The following ELMO1 variants were observed in gnomAD, a reference collection of about 807,000 sequenced individuals.
ELMO1 encodes engulfment and cell motility 1.
ELMO1 carries 26 observed loss-of-function variants against 98.9 expected under a neutral mutation model. The observed-to-expected ratio is 0.26, with a 90% CI of 0.19 to 0.36. ELMO1 has a LOEUF of 0.36. Ranked by LOEUF, ELMO1 falls within the 10% of genes least tolerant of loss-of-function variation. ELMO1 has a pLI of 1.00. For missense variants in ELMO1, 627 were observed against 935.2 expected (o/e 0.67, Z 4.30); for synonymous variants, 346 against 346.0 (o/e 1.00, Z 0.00).
intron 4 of ELMO1, among the ~76,000 whole-genome samples, chr7:37,273,579 C>G (rs1309314954): frequency 6.6e-6 from 1 of 152,184 alleles, no homozygotes; most frequent in Non-Finnish European, 1.5e-5. Flanking sequence ...CAGACTAATA[C>G]AGCATCTTTG....
intron 16 of ELMO1, among the ~76,000 whole-genome samples, chr7:36,969,822 C>T (rs536027380): frequency 1.6e-3 from 239 of 152,238 alleles, no homozygotes; most frequent in African/African-American, 5.2e-3. Context: ...CTAAATAAAT[C>T]ATATTTCTTT....
chr7:36,863,459 T>C (rs1802793654), intron 20 of ELMO1, among the ~76,000 whole-genome samples: 1 of 152,070 alleles, frequency 6.6e-6, no homozygotes, highest in South Asian at 2.1e-4. Context: ...AAAATCAATA[T>C]GAAAATACAT....
chr7:37,180,121 C>A (rs776515160), intron 13 of ELMO1, among the ~76,000 whole-genome samples: 2 of 152,134 alleles, frequency 1.3e-5, no homozygotes, highest in Non-Finnish European at 2.9e-5. Flanking sequence ...AGTCTTGAAG[C>A]CATAAACCTC....
At chr7:37,331,928 G>A (rs1800149361) in intron 2 of ELMO1, among the ~76,000 whole-genome samples, 2 of 151,910 alleles carry the variant, frequency 1.3e-5, no homozygotes, top group East Asian at 3.9e-4. Flanking sequence ...GTTTGAATAT[G>A]CTGAGTTTGA....
intron 16 of ELMO1, among the ~76,000 whole-genome samples, chr7:36,940,804 TACA>T (rs1482119321): frequency 6.6e-6 from 1 of 152,250 alleles, no homozygotes; most frequent in Non-Finnish European, 1.5e-5. Flanking sequence ...TGGGGGACTC[TACA>T]ACAAGAGTTT....
intron 16 of ELMO1, among the ~76,000 whole-genome samples, chr7:36,910,683 C>G (rs1461611977): frequency 6.6e-6 from 1 of 152,128 alleles, no homozygotes. Context: ...CAGTGCAGAC[C>G]TTGCACTGTA....
rs143827128 is a variant in ELMO1 at position 36,945,472 on chromosome 7, T to C, written c.1438-50455A>G. Among the ~76,000 whole-genome samples, 506 of 152,272 alleles carry C rather than the reference T, an allele frequency of 3.3e-3. 3 individuals are homozygous for C. Among genetic ancestry groups the C allele is most frequent in the African/African-American group, 0.012 (479 of 41,558 alleles). On this transcript the variant is annotated intron_variant, in intron 16 of 21. Coordinates refer to ENST00000310758, the MANE Select transcript of ELMO1 (RefSeq NM_014800.11). ...CAGCCTCAGTGACGGGCATTTAACT[T>C]AGCACGAAGCTTTCCGGGAATCCCT...
At chr7:36,887,536 T>C (rs1026691680) in intron 18 of ELMO1, 24 bp downstream of exon 18, 4 of 1,610,920 alleles carry the variant, frequency 2.5e-6, no homozygotes, top group East Asian at 2.2e-5. Flanking sequence ...CTATCCAAGT[T>C]TGGAGTGTCC....
intron 13 of ELMO1, among the ~76,000 whole-genome samples, chr7:37,199,242 G>A (rs774095015): frequency 2.0e-5 from 3 of 152,212 alleles, no homozygotes; most frequent in African/African-American, 7.2e-5. Flanking sequence ...TAAGAAGAAC[G>A]AAGGTCAAGT....
intron 16 of ELMO1, among the ~76,000 whole-genome samples, chr7:36,901,221 C>G (rs1806480823): frequency 6.6e-6 from 1 of 152,104 alleles, no homozygotes; most frequent in Non-Finnish European, 1.5e-5. Flanking sequence ...GTACCTAGGC[C>G]AGGCCATGCA....
intron 1 of ELMO1, among the ~76,000 whole-genome samples, chr7:37,369,144 T>C (rs1276121821): frequency 1.3e-5 from 2 of 152,166 alleles, no homozygotes; most frequent in Admixed American, 1.3e-4. Flanking sequence ...TATGTAACAT[T>C]TATAGTCTGG....
intron 15 of ELMO1, among the ~76,000 whole-genome samples, chr7:37,068,122 C>T (rs1282246986): frequency 6.6e-6 from 1 of 152,118 alleles, no homozygotes; most frequent in Admixed American, 6.6e-5. Context: ...GTCACGTGTT[C>T]CACTTTGACA....
At chr7:36,918,707 C>T (rs745619574) in intron 16 of ELMO1, among the ~76,000 whole-genome samples, 4 of 152,202 alleles carry the variant, frequency 2.6e-5, no homozygotes, top group Non-Finnish European at 5.9e-5. Context: ...GCTTTTGAAA[C>T]TTTCAAGGGC....
At chr7:37,039,972 T>C (rs923366945) in intron 15 of ELMO1, among the ~76,000 whole-genome samples, 73 of 152,216 alleles carry the variant, frequency 4.8e-4, no homozygotes, top group African/African-American at 1.6e-3. Flanking sequence ...TAACATTACA[T>C]TGTATTACAG....
intron 13 of ELMO1, among the ~76,000 whole-genome samples, chr7:37,205,079 G>A (rs768945917): frequency 4.6e-5 from 7 of 152,122 alleles, no homozygotes; most frequent in South Asian, 2.1e-4. Context: ...AAGCCCAGCC[G>A]GCTTCACCTC....
At chr7:36,935,403 C>T (rs1189590335) in intron 16 of ELMO1, among the ~76,000 whole-genome samples, 1 of 151,296 alleles carries the variant, frequency 6.6e-6, no homozygotes, top group Non-Finnish European at 1.5e-5. Context: ...AGCCTTGTCC[C>T]TTCTAAAAAA....
chr7:36,853,906 C>G lies in ELMO1; in HGVS notation c.*1645G>C, dbSNP rs545768462. On this transcript the variant is annotated 3_prime_UTR_variant, in exon 22 of 22. Transcript: ENST00000310758. The stretch of plus-strand genomic sequence containing the variant: ...GGGCTCTGACCTATAATTTATTAAC[C>G]CACGGTTAGATTTATTTAGTTCTGG... 1.6e-4 allele frequency among the ~76,000 whole-genome samples: 24 copies of G among 152,128 alleles called. No homozygotes were observed. Among genetic ancestry groups the G allele is most frequent in the Non-Finnish European group, 3.1e-4 (21 of 68,030 alleles).
chr7:37,018,060 T>C (rs1372142276), intron 15 of ELMO1, among the ~76,000 whole-genome samples: 1 of 152,164 alleles, frequency 6.6e-6, no homozygotes, highest in Non-Finnish European at 1.5e-5. Flanking sequence ...TTAGATTATG[T>C]ATATAAAGTG....
intron 1 of ELMO1, among the ~76,000 whole-genome samples, chr7:37,440,708 G>T (rs892865821): frequency 1.3e-5 from 2 of 149,582 alleles, no homozygotes; most frequent in Non-Finnish European, 3.0e-5. Context: ...GGCAGAGCTT[G>T]CAGTGAGCCA....
Sources: gnomAD v4.1 joint callset for allele counts (sites outside exome capture counted in the v4.1 genomes callset) on GRCh38, gnomAD v4.1.1 for gene constraint, MANE v1.5 for transcripts, NCBI Gene and HGNC (gene_info 2026-07-23, HGNC 2026-07-21) for gene names.